The following UBTF variants were observed in gnomAD, a reference collection of about 807,000 sequenced individuals.
The protein encoded by UBTF is nucleolar transcription factor 1.
In UBTF, 8 loss-of-function variants were observed where a neutral mutation model predicts 112.3. The observed-to-expected ratio is 0.07, with a 90% CI of 0.04 to 0.13. The LOEUF is 0.13. Among genes scored for constraint, UBTF ranks in the 10% least tolerant of loss-of-function variants. The pLI is 1.00. For missense variants in UBTF, 457 were observed against 982.1 expected (o/e 0.47, Z 7.15); for synonymous variants, 417 against 373.1 (o/e 1.12, Z -1.36).
At chr17:44,220,443 C>T (rs1312838966), upstream of UBTF, among the ~76,000 whole-genome samples, 1 of 152,014 alleles carries the variant, frequency 6.6e-6, no homozygotes, top group African/African-American at 2.4e-5. Flanking sequence ...ACGCCGATCG[C>T]GGCGTCCAGC....
At chr17:44,219,237 C>T (rs1437163139) in intron 1 of UBTF, 11 of 151,398 alleles carry the variant, frequency 7.3e-5, no homozygotes, top group African/African-American at 2.7e-4. Context: ...GCGGGCTCCT[C>T]CGCCAGCGGC....
chr17:44,212,273 C>T (rs1229691960), intron 8 of UBTF, 71 bp downstream of exon 8: 9 of 1,330,486 alleles, frequency 6.8e-6, no homozygotes, highest in Non-Finnish European at 7.5e-6. Flanking sequence ...CCGCAGAGTG[C>T]GGTGGCCACG....
chr17:44,220,092 G>C (rs2047104717), upstream of UBTF, among the ~76,000 whole-genome samples: 1 of 147,150 alleles, frequency 6.8e-6, no homozygotes, highest in Non-Finnish European at 1.5e-5. Flanking sequence ...GGAAGGGGGG[G>C]GGGGCCGGGG....
chr17:44,209,570 C>G, intron 16 of UBTF, 29 bp from the exon 17 acceptor site: 1 of 1,613,008 alleles, frequency 6.2e-7, no homozygotes. Context: ...GAAGGAGGGT[C>G]AGGACCCCAA....
At chr17:44,218,038 A>C in intron 2 of UBTF, 134 bp downstream of exon 2, 1 of 940,450 alleles carries the variant, frequency 1.1e-6, no homozygotes, top group Non-Finnish European at 1.7e-6. Context: ...TGCTTGATTC[A>C]TAAATACTCA....
chr17:44,220,732 T>A (rs1309972743), upstream of UBTF: 2 of 151,450 alleles, frequency 1.3e-5, no homozygotes, highest in East Asian at 3.9e-4. Context: ...GCTCCCGGGC[T>A]CACTTACCGA....
rs768348114 is a variant in UBTF at position 44,207,544 on chromosome 17, T to C, written c.2079A>G (p.Glu693=). The change falls in exon 20 of 21, where the codon GAA becomes GAG. Residue 693 remains glutamate, a synonymous_variant. Coordinates refer to ENST00000436088, the MANE Select transcript of UBTF (RefSeq NM_014233.4). The part of the protein sequence containing the change: ...EDEDDEDEDE[E]EEDDENGDSS... ...AGTCCCCATTCTCATCATCTTCCTC[T>C]TCTTCATCCTCGTCCTCGTCATCCT... is the stretch of plus-strand genomic sequence containing the variant. The C allele has an allele frequency of 1.2e-6, 2 of 1,613,826 alleles. No homozygotes were observed. Among genetic ancestry groups the C allele is most frequent in the Non-Finnish European group, 8.5e-7 (1 of 1,179,960 alleles).
chr17:44,217,955 G>A (rs915583659), intron 2 of UBTF, among the ~76,000 whole-genome samples: 3 of 152,178 alleles, frequency 2.0e-5, no homozygotes, highest in Admixed American at 6.5e-5. Context: ...GAGGGTGAGG[G>A]ACAGGGAGAG....
intron 13 of UBTF, 146 bp from the exon 14 acceptor site, chr17:44,210,619 G>C (rs1195725989): frequency 9.4e-6 from 13 of 1,382,104 alleles, no homozygotes; most frequent in Non-Finnish European, 1.2e-5. Context: ...CGCCTGGTCT[G>C]CGGCGCTCAG....
chr17:44,214,480 T>C (rs1247272989), intron 5 of UBTF, among the ~76,000 whole-genome samples: 1 of 152,240 alleles, frequency 6.6e-6, no homozygotes, highest in Non-Finnish European at 1.5e-5. Context: ...TTGTCCACTC[T>C]ACCAGTTTCT....
Position 44,210,459 on chromosome 17 carries a change from G to C in UBTF, c.1374C>G (p.Ala458=). The change falls in exon 14 of 21, where the codon GCC becomes GCG. Residue 458 remains alanine (A), a synonymous_variant. Transcript: ENST00000436088. ...LSEKKKAKYK[A]REAALKAQSE... is the part of the protein sequence containing the mutation. ...ACTGAGCCTTGAGCGCCGCCTCTCG[G>C]GCCTTGTACTTGGCCTGCGGGGATG... is the stretch of plus-strand genomic sequence containing the variant. 1 of 1,610,356 alleles carries C rather than the reference G, an allele frequency of 6.2e-7. No individual in the cohort carries two copies. The highest frequency in any genetic ancestry group is 8.5e-7 in the Non-Finnish European group (1 of 1,179,348).
intron 5 of UBTF, among the ~76,000 whole-genome samples, chr17:44,214,737 C>A (rs568210670): frequency 3.9e-5 from 6 of 152,182 alleles, no homozygotes; most frequent in Admixed American, 6.5e-5. Context: ...AGCATGGCAG[C>A]GGCCAGTGCC....
Position 44,209,712 on chromosome 17 carries a change from C to T in UBTF, c.1648G>A (p.Ala550Thr). 6.2e-7 allele frequency: 1 copy of T among 1,614,154 alleles called. No individual in the cohort carries two copies. The highest frequency in any genetic ancestry group is 8.5e-7 in the Non-Finnish European group (1 of 1,180,032). Residue 550 changes from alanine to threonine, a missense_variant, in exon 16 of 21, where the codon GCA becomes ACA. Coordinates refer to ENST00000436088, the MANE Select transcript of UBTF (RefSeq NM_014233.4). Reference protein sequence around the residue: ...RYERELSEMRAPPAATNSSKK... With the variant: ...RYERELSEMRTPPAATNSSKK... ...GAAGAATTTGTAGCAGCTGGAGGTG[C>T]CCGCATCTCACTCAGCTCTCTCTGG... is the stretch of plus-strand genomic sequence containing the variant.
At chr17:44,210,656 T>C (rs2056607079) in intron 13 of UBTF, 136 bp downstream of exon 13, 4 of 1,394,070 alleles carry the variant, frequency 2.9e-6, no homozygotes, top group East Asian at 5.3e-5. Flanking sequence ...TTCCGGCTGC[T>C]GGGCGCCGGC....
At chr17:44,214,717 G>C (rs1405251948) in intron 5 of UBTF, among the ~76,000 whole-genome samples, 2 of 152,138 alleles carry the variant, frequency 1.3e-5, no homozygotes, top group Non-Finnish European at 2.9e-5. Context: ...CAGGAAAAAG[G>C]GCTACTCATA....
chr17:44,216,974 G>C (rs2046875399), intron 2 of UBTF, among the ~76,000 whole-genome samples: 2 of 152,210 alleles, frequency 1.3e-5, no homozygotes, highest in South Asian at 4.1e-4. Flanking sequence ...CATTTATACT[G>C]TGCCAAGCTG....
At chr17:44,208,240 A>T (rs1371088731) in intron 17 of UBTF, among the ~76,000 whole-genome samples, 1 of 151,762 alleles carries the variant, frequency 6.6e-6, no homozygotes, top group African/African-American at 2.4e-5. Flanking sequence ...AGTAGCTGGG[A>T]CTACAGGCAT....
In UBTF at chr17:44,212,026, GA is replaced by G. The variant is rs1324780648; in HGVS notation, c.772-21del. On this transcript the variant is annotated intron_variant, in intron 8 of 20. Transcript: ENST00000436088. Reference sequence around the variant, plus strand: ...GATCTCCTGCAGAGCCAGGTGGGGGGACGGAGGGCAATGGGGTGTGGAGTTA... The same window carrying G: ...GATCTCCTGCAGAGCCAGGTGGGGGGCGGAGGGCAATGGGGTGTGGAGTTA... 12 of 1,610,750 alleles carry G rather than the reference GA, an allele frequency of 7.4e-6. No individual in the cohort carries two copies. Among genetic ancestry groups the G allele is most frequent in the Non-Finnish European group, 1.0e-5 (12 of 1,178,638 alleles).
At position 44,215,893 on chromosome 17, in the gene UBTF, C is replaced by G; in HGVS notation, c.318+13G>C. 6.2e-7 allele frequency: 1 copy of G among 1,614,028 alleles called. No individual in the cohort carries two copies. The highest frequency in any genetic ancestry group is 1.1e-5 in the South Asian group (1 of 91,058). On this transcript the variant is annotated intron_variant, in intron 4 of 20. Transcript: ENST00000436088. ...CTCCCATACCCCTCATGCTCCTCCT[C>G]CTAGTAACTCACCTTGAGTTTTTTG...
Sources: gnomAD v4.1 joint callset for allele counts (sites outside exome capture counted in the v4.1 genomes callset) on GRCh38, gnomAD v4.1.1 for gene constraint, MANE v1.5 for transcripts, NCBI Gene and HGNC (gene_info 2026-07-23, HGNC 2026-07-21) for gene names.